The following CTNNA3 variants were observed in gnomAD, a reference collection of about 807,000 sequenced individuals.
CTNNA3 encodes catenin alpha 3.
CTNNA3 carries 76 observed loss-of-function variants against 95.7 expected under a neutral mutation model. That is an observed-to-expected ratio of 0.79 (90% CI 0.66 to 0.96). CTNNA3 has a LOEUF of 0.96. Among genes scored for constraint, CTNNA3 ranks in the 40% least tolerant of loss-of-function variants. The probability of loss-of-function intolerance (pLI) is 0.00; values close to 1 mark genes in which losing one functional copy is unlikely to be tolerated. For synonymous variants in CTNNA3, 431 were observed against 374.4 expected (o/e 1.15, Z -1.74); for missense variants, 1,191 against 1,089.8 (o/e 1.09, Z -1.31).
intron 11 of CTNNA3, among the ~76,000 whole-genome samples, chr10:66,475,453 T>C (rs1564999073): frequency 1.3e-5 from 2 of 152,088 alleles, no homozygotes; most frequent in Non-Finnish European, 2.9e-5. Flanking sequence ...TTTCCCATTC[T>C]GTAGGTTGTC....
chr10:66,758,313 T>C (rs1045664600), intron 9 of CTNNA3, among the ~76,000 whole-genome samples: 1 of 152,220 alleles, frequency 6.6e-6, no homozygotes, highest in Non-Finnish European at 1.5e-5. Flanking sequence ...TAGAACTCAT[T>C]CATTTTAAAA....
chr10:67,526,021 T>G (rs1840132745), intron 4 of CTNNA3, among the ~76,000 whole-genome samples: 1 of 152,138 alleles, frequency 6.6e-6, no homozygotes, highest in African/African-American at 2.4e-5. Context: ...ATCATCTGTT[T>G]AAAACAATGC....
intron 9 of CTNNA3, among the ~76,000 whole-genome samples, chr10:66,655,560 G>A (rs1383605491): frequency 6.6e-6 from 1 of 152,040 alleles, no homozygotes; most frequent in Non-Finnish European, 1.5e-5. Context: ...ATAATGGGCA[G>A]AAAGGAAGAA....
chr10:67,406,405 T>G (rs987817251), intron 5 of CTNNA3, among the ~76,000 whole-genome samples: 1 of 152,168 alleles, frequency 6.6e-6, no homozygotes, highest in Non-Finnish European at 1.5e-5. Flanking sequence ...CCAAAATCTC[T>G]GGAACCCAGT....
chr10:66,533,361 C>A (rs1002412091), intron 10 of CTNNA3, among the ~76,000 whole-genome samples: 1 of 152,114 alleles, frequency 6.6e-6, no homozygotes, highest in Non-Finnish European at 1.5e-5. Context: ...TAGATTGTCA[C>A]GGTTGAGCAT....
chr10:66,425,512 A>T (rs1485916212), intron 11 of CTNNA3, among the ~76,000 whole-genome samples: 4 of 151,964 alleles, frequency 2.6e-5, no homozygotes, highest in African/African-American at 7.2e-5. Flanking sequence ...CAGAGATTAA[A>T]TTTTAGTATG....
At chr10:66,093,979 G>T (rs1169375825) in intron 14 of CTNNA3, among the ~76,000 whole-genome samples, 2 of 152,014 alleles carry the variant, frequency 1.3e-5, no homozygotes, top group Admixed American at 6.6e-5. Context: ...CTGCTGTAAT[G>T]GAGTTTAGAA....
chr10:66,912,484 G>A (rs1283624014), intron 7 of CTNNA3, among the ~76,000 whole-genome samples: 2 of 151,720 alleles, frequency 1.3e-5, no homozygotes. Context: ...AAGAAACATT[G>A]GGCTCAGGAA....
chr10:66,266,238 C>T (rs1435396695), intron 13 of CTNNA3, among the ~76,000 whole-genome samples: 1 of 151,876 alleles, frequency 6.6e-6, no homozygotes, highest in African/African-American at 2.4e-5. Context: ...TATATTAGAA[C>T]ACCATGTAAC....
rs910178292 is a variant in CTNNA3, at chr10:65,945,315, T to G, written c.2400+21297A>C. 2.4e-4 allele frequency among the ~76,000 whole-genome samples: 37 copies of G among 152,286 alleles called. 1 individual carries two copies. Among genetic ancestry groups the G allele is most frequent in the African/African-American group, 8.7e-4 (36 of 41,570 alleles). Reference sequence around the variant, plus strand: ...CTTTAAGCAGTCTGGCGATGACACATGCATCAGCATGTTAGTTTTAATTTT... The same window carrying G: ...CTTTAAGCAGTCTGGCGATGACACAGGCATCAGCATGTTAGTTTTAATTTT... On this transcript the variant is annotated intron_variant, in intron 17 of 17. Coordinates refer to ENST00000433211, the MANE Select transcript of CTNNA3 (RefSeq NM_013266.4).
chr10:66,989,661 C>T lies in CTNNA3; in HGVS notation c.1047+190656G>A, dbSNP rs530060185. ...ATATATGAGTGAATAGCTTACCTAACGTAACAGTCTTTACATAATAAGACT... is the reference window on the plus strand; with the variant it reads ...ATATATGAGTGAATAGCTTACCTAATGTAACAGTCTTTACATAATAAGACT... On this transcript the variant is annotated intron_variant, in intron 7 of 17. Transcript: ENST00000433211. Among the ~76,000 whole-genome samples, 236 of 152,170 alleles carry T rather than the reference C, an allele frequency of 1.6e-3. 1 individual carries two copies. Among genetic ancestry groups the T allele is most frequent in the African/African-American group, 5.2e-3 (217 of 41,540 alleles).
At chr10:66,283,554 T>C (rs370919442) in intron 12 of CTNNA3, among the ~76,000 whole-genome samples, 7 of 151,890 alleles carry the variant, frequency 4.6e-5, no homozygotes, top group Non-Finnish European at 1.0e-4. Flanking sequence ...CACAGCCTTT[T>C]CATTAGTGCA....
intron 7 of CTNNA3, among the ~76,000 whole-genome samples, chr10:66,869,867 G>A (rs1465824094): frequency 2.6e-5 from 4 of 152,052 alleles, no homozygotes; most frequent in Non-Finnish European, 4.4e-5. Flanking sequence ...AGAAGTGTCA[G>A]GAACCATGTA....
At chr10:66,288,153 T>C (rs946730920) in intron 12 of CTNNA3, among the ~76,000 whole-genome samples, 4 of 152,068 alleles carry the variant, frequency 2.6e-5, no homozygotes, top group African/African-American at 9.7e-5. Flanking sequence ...TGTGCAAGAA[T>C]GAAGGAGAAA....
At chr10:66,583,232 C>G (rs565861469) in intron 10 of CTNNA3, among the ~76,000 whole-genome samples, 151 of 151,844 alleles carry the variant, frequency 9.9e-4, no homozygotes, top group African/African-American at 3.2e-3. Context: ...CTTTGGATGT[C>G]TGGTAGAATT....
chr10:67,612,014 G>T (rs1210695953), intron 2 of CTNNA3, among the ~76,000 whole-genome samples: 1 of 152,138 alleles, frequency 6.6e-6, no homozygotes, highest in Non-Finnish European at 1.5e-5. Context: ...AGGAGAGGGG[G>T]TGTCCCTTCT....
intron 5 of CTNNA3, among the ~76,000 whole-genome samples, chr10:67,443,339 T>A (rs1004509451): frequency 7.0e-6 from 1 of 142,794 alleles, no homozygotes; most frequent in Admixed American, 7.2e-5. Flanking sequence ...TCAAATGGTA[T>A]TTCTAGTTCT....
intron 7 of CTNNA3, among the ~76,000 whole-genome samples, chr10:66,854,295 A>ACAAAT (rs1279441063): frequency 8.8e-6 from 1 of 113,590 alleles, no homozygotes; most frequent in Admixed American, 8.0e-5. Flanking sequence ...TTGTTAGGTG[A>ACAAAT]TCTTAATCAA....
chr10:66,927,107 T>G lies in CTNNA3; in HGVS notation c.1048-151583A>C. The G allele has an allele frequency of 6.2e-7, 1 of 1,614,190 alleles. No individual in the cohort carries two copies. Among genetic ancestry groups the G allele is most frequent in the Non-Finnish European group, 8.5e-7 (1 of 1,180,034 alleles). Reference sequence around the variant, plus strand: ...CCCTCAAGTATATCTGCTGGTTGCTTAGGTTTGTCCCTTCGCTATAACAGC... The same window carrying G: ...CCCTCAAGTATATCTGCTGGTTGCTGAGGTTTGTCCCTTCGCTATAACAGC... On this transcript the variant is annotated intron_variant, in intron 7 of 17. Transcript: ENST00000433211. This position sits in a 1 kb window ranked among gnomAD's most constrained non-coding sequence, Gnocchi z 4.7.
Sources: allele counts gnomAD v4.1 joint callset (sites outside exome capture counted in the v4.1 genomes callset), GRCh38; gene constraint gnomAD v4.1.1; non-coding constraint Gnocchi (gnomAD v3.1); transcripts MANE v1.5; gene names NCBI Gene and HGNC (gene_info 2026-07-23, HGNC 2026-07-21).